The following SNTG1 variants were observed in gnomAD, a reference collection of about 807,000 sequenced individuals.
SNTG1 encodes the protein gamma-1-syntrophin.
A neutral mutation model predicts 74.7 loss-of-function variants in SNTG1; 39 were observed. The observed-to-expected ratio is 0.52, with a 90% confidence interval of 0.40 to 0.68. The LOEUF is 0.68. Among genes scored for constraint, SNTG1 ranks in the 30% least tolerant of loss-of-function variants. The pLI is 0.00. For synonymous variants in SNTG1, 254 were observed against 217.1 expected (o/e 1.17, Z -1.49); for missense variants, 685 against 609.5 (o/e 1.12, Z -1.30).
At chr8:50,675,547 G>T in intron 15 of SNTG1, among the ~76,000 whole-genome samples, 1 of 151,408 alleles carries the variant, frequency 6.6e-6, no homozygotes, top group East Asian at 1.9e-4. Flanking sequence ...GAGCCTATGT[G>T]TGTCTTTGCA....
intron 1 of SNTG1, among the ~76,000 whole-genome samples, chr8:50,113,444 A>ACTT (rs2080684139): frequency 6.6e-6 from 1 of 152,144 alleles, no homozygotes; most frequent in Admixed American, 6.6e-5. Flanking sequence ...GTATCCTGAG[A>ACTT]CTTTGCTGAA....
chr8:50,201,417 T>G (rs1038887617), intron 2 of SNTG1, among the ~76,000 whole-genome samples: 18 of 152,202 alleles, frequency 1.2e-4, no homozygotes, highest in Non-Finnish European at 1.9e-4. Context: ...TCTGTATTAT[T>G]AACACCTTCT....
intron 1 of SNTG1, among the ~76,000 whole-genome samples, chr8:49,959,173 T>C (rs1471629616): frequency 3.3e-5 from 5 of 152,226 alleles, no homozygotes; most frequent in African/African-American, 7.2e-5. Context: ...TTCTGATTTA[T>C]GGAAATTAGG....
intron 2 of SNTG1, among the ~76,000 whole-genome samples, chr8:50,359,685 T>C (rs769221794): frequency 3.3e-5 from 5 of 152,150 alleles, no homozygotes; most frequent in Admixed American, 3.3e-4. Flanking sequence ...GAAATTCTAG[T>C]TGTCTATCAG....
At chr8:50,073,004 A>G (rs1307068447) in intron 1 of SNTG1, among the ~76,000 whole-genome samples, 1 of 152,164 alleles carries the variant, frequency 6.6e-6, no homozygotes, top group Non-Finnish European at 1.5e-5. Flanking sequence ...GCTGCTGACT[A>G]GTCAGGATGG....
At chr8:50,748,329 C>G (rs1399943675) in intron 17 of SNTG1, among the ~76,000 whole-genome samples, 3 of 151,808 alleles carry the variant, frequency 2.0e-5, no homozygotes, top group Admixed American at 1.3e-4. Flanking sequence ...GGCATTTTAC[C>G]AGGAATTATT....
intron 1 of SNTG1, among the ~76,000 whole-genome samples, chr8:50,142,682 T>C (rs1305882991): frequency 6.6e-6 from 1 of 152,148 alleles, no homozygotes; most frequent in Non-Finnish European, 1.5e-5. Context: ...ATTTTTACTT[T>C]ATACAAGTGT....
chr8:49,938,603 T>TTTTTTCTTTCTTTCTTTC (rs1554524905), intron 1 of SNTG1, among the ~76,000 whole-genome samples: 1 of 74,754 alleles, frequency 1.3e-5, no homozygotes, highest in African/African-American at 4.5e-5. Context: ...TTTTCTTTTC[T>TTTTTTCTTTCTTTCTTTC]TTTCTTTCTT....
intron 11 of SNTG1, among the ~76,000 whole-genome samples, chr8:50,539,949 C>A (rs1482735124): frequency 1.3e-5 from 2 of 152,152 alleles, no homozygotes; most frequent in African/African-American, 4.8e-5. Flanking sequence ...TTTTAAAAGT[C>A]TTGCTGTTAG....
At position 50,354,371 on chromosome 8, in the gene SNTG1, G is replaced by C. The variant is rs1587281936; in HGVS notation, c.-27-39841G>C. Reference sequence around the variant, plus strand: ...AAAATCTTTGCAACATCATCACATAGAGTTGGAAATACTCTATGTAAAGTA... The same window carrying C: ...AAAATCTTTGCAACATCATCACATACAGTTGGAAATACTCTATGTAAAGTA... On this transcript the variant is annotated intron_variant, in intron 2 of 18. Transcript: ENST00000642720. 2.0e-5 allele frequency among the ~76,000 whole-genome samples: 3 copies of C among 152,234 alleles called. No individual in the cohort carries two copies. In the East Asian group the frequency reaches 5.8e-4, roughly 29 times the overall value.
chr8:50,128,308 G>A (rs962029696), intron 1 of SNTG1, among the ~76,000 whole-genome samples: 6 of 152,130 alleles, frequency 3.9e-5, no homozygotes, highest in Admixed American at 3.3e-4. Flanking sequence ...TAAGAGATAA[G>A]CAGAGAAATA....
chr8:50,634,317 C>A (rs904032342), intron 13 of SNTG1, among the ~76,000 whole-genome samples: 1 of 152,202 alleles, frequency 6.6e-6, no homozygotes, highest in African/African-American at 2.4e-5. Flanking sequence ...AACTGTGGCA[C>A]AAATCACCTT....
intron 2 of SNTG1, among the ~76,000 whole-genome samples, chr8:50,349,936 A>C (rs1187413561): frequency 6.6e-6 from 1 of 151,946 alleles, no homozygotes; most frequent in Non-Finnish European, 1.5e-5. Context: ...CGCGAGCCGG[A>C]ACCAGGGCTG....
intron 2 of SNTG1, among the ~76,000 whole-genome samples, chr8:50,355,985 A>G (rs2091806153): frequency 6.6e-6 from 1 of 152,168 alleles, no homozygotes; most frequent in Non-Finnish European, 1.5e-5. Flanking sequence ...ATATTGTCAC[A>G]GCTCATAGTA....
chr8:50,373,785 G>A (rs2092319908), intron 2 of SNTG1, among the ~76,000 whole-genome samples: 1 of 152,036 alleles, frequency 6.6e-6, no homozygotes, highest in African/African-American at 2.4e-5. Context: ...TGTTCATGGT[G>A]ACAATAACTG....
intron 13 of SNTG1, among the ~76,000 whole-genome samples, chr8:50,615,659 A>G (rs2094880923): frequency 6.6e-6 from 1 of 152,244 alleles, no homozygotes; most frequent in Admixed American, 6.5e-5. Flanking sequence ...ATCAAGAGAC[A>G]GAAATCACAC....
chr8:50,086,210 CT>C (rs1822871997), intron 1 of SNTG1, among the ~76,000 whole-genome samples: 1 of 152,110 alleles, frequency 6.6e-6, no homozygotes, highest in South Asian at 2.1e-4. Context: ...TGAGTTATAT[CT>C]TAAGGAATTA....
rs547712361 is a variant in SNTG1, at chr8:50,463,337, C to G, written c.363+12608C>G. Among the ~76,000 whole-genome samples, 3 of 152,194 alleles carry G rather than the reference C, an allele frequency of 2.0e-5. No individual in the cohort carries two copies. In the South Asian group the frequency reaches 6.2e-4, roughly 32 times the overall value. On this transcript the variant is annotated intron_variant, in intron 8 of 18. Transcript: ENST00000642720. ...TCCAGAAGGTTTTAAATCAACTTGG[C>G]CCAGATCCCTCGTAGGAATCACTAT...
chr8:50,076,414 A>G (rs925491363), intron 1 of SNTG1, among the ~76,000 whole-genome samples: 13 of 152,214 alleles, frequency 8.5e-5, no homozygotes, highest in East Asian at 3.8e-4. Flanking sequence ...ATGAATTCCA[A>G]TGCAATGAAT....
Sources: allele counts gnomAD v4.1 joint callset (sites outside exome capture counted in the v4.1 genomes callset), GRCh38; gene constraint gnomAD v4.1.1; transcripts MANE v1.5; gene names NCBI Gene and HGNC (gene_info 2026-07-23, HGNC 2026-07-21).